KIAA0825: variants seen among roughly 807,000 people sequenced by gnomAD.
KIAA0825 encodes the protein uncharacterized protein KIAA0825.
KIAA0825 carries 119 observed loss-of-function variants against 147.6 expected under a neutral mutation model. The observed-to-expected ratio is 0.81, with a 90% confidence interval of 0.69 to 0.94. KIAA0825 has a LOEUF of 0.94. Ranked by LOEUF, KIAA0825 falls within the 40% of genes least tolerant of loss-of-function variation. The pLI, the probability that KIAA0825 is intolerant of heterozygous loss-of-function variation, is 0.00. For synonymous variants in KIAA0825, 470 were observed against 518.1 expected (o/e 0.91, Z 1.26); for missense variants, 1,381 against 1,472.7 (o/e 0.94, Z 1.02).
intron 20 of KIAA0825, among the ~76,000 whole-genome samples, chr5:94,273,181 TC>T (rs1777070588): frequency 1.3e-5 from 2 of 152,176 alleles, no homozygotes; most frequent in African/African-American, 2.4e-5. Flanking sequence ...AGTACTTATC[TC>T]ATAAATTTGT....
At position 94,565,095 on chromosome 5, in the gene KIAA0825, C is replaced by CTTTTTTTTTT. The variant is rs1176429699; in HGVS notation, c.-2+17328_-2+17337dup. Among the ~76,000 whole-genome samples, 87 of 52,922 alleles carry CTTTTTTTTTT rather than the reference C, an allele frequency of 1.6e-3. 9 individuals carry two copies. The highest frequency in any genetic ancestry group is 4.5e-3 in the African/African-American group (58 of 12,750). 34.7% of individuals were successfully genotyped at this position (52,922 alleles called of 152,430 possible). On this transcript the variant is annotated intron_variant, in intron 2 of 20. Transcript: ENST00000682413. ...CTCTTTCTCTCTCTTTCTTGCTTTC[C>CTTTTTTTTTT]TTTTTTTTTTTTTTTTTTGGTAGAG...
chr5:94,335,371 A>G (rs191630109), intron 20 of KIAA0825, among the ~76,000 whole-genome samples: 1 of 152,266 alleles, frequency 6.6e-6, no homozygotes, highest in East Asian at 1.9e-4. Context: ...TTTTCTTAAT[A>G]TAGATTATGT....
intron 19 of KIAA0825, among the ~76,000 whole-genome samples, chr5:94,385,129 T>C (rs1183919822): frequency 6.6e-6 from 1 of 152,186 alleles, no homozygotes; most frequent in African/African-American, 2.4e-5. Flanking sequence ...ACAGCTATAA[T>C]AATTATTTAT....
chr5:94,554,716 C>CTATATATATATATA (rs70978114), intron 2 of KIAA0825, among the ~76,000 whole-genome samples: 1 of 67,078 alleles, frequency 1.5e-5, no homozygotes, highest in Non-Finnish European at 3.0e-5. Flanking sequence ...GTTCTGTGTA[C>CTATATATATATATA]TATATATATA....
intron 2 of KIAA0825, among the ~76,000 whole-genome samples, chr5:94,559,372 A>C (rs1257043986): frequency 2.0e-5 from 3 of 152,200 alleles, no homozygotes; most frequent in Non-Finnish European, 4.4e-5. Flanking sequence ...TACGTTTTCT[A>C]TGCAAAGACT....
chr5:94,588,518 C>A (rs1345904116), intron 1 of KIAA0825, among the ~76,000 whole-genome samples: 1 of 152,114 alleles, frequency 6.6e-6, no homozygotes, highest in Non-Finnish European at 1.5e-5. Context: ...GAATGGCAAT[C>A]ATTAAAAAGT....
intron 20 of KIAA0825, among the ~76,000 whole-genome samples, chr5:94,367,286 G>GA (rs1247408244): frequency 5.3e-5 from 8 of 152,158 alleles, no homozygotes; most frequent in African/African-American, 1.9e-4. Context: ...CACCCGAGGT[G>GA]AGGAGTTTGA....
At chr5:94,302,275 T>C (rs906122448) in intron 20 of KIAA0825, among the ~76,000 whole-genome samples, 1 of 152,164 alleles carries the variant, frequency 6.6e-6, no homozygotes. Flanking sequence ...GCCTAACATA[T>C]GTTCTATTCA....
chr5:94,402,636 T>C (rs187412762), intron 16 of KIAA0825, among the ~76,000 whole-genome samples: 36 of 151,930 alleles, frequency 2.4e-4, no homozygotes, highest in African/African-American at 8.4e-4. Context: ...CAATTGACTT[T>C]AGTGAGTGCG....
chr5:94,344,233 A>G (rs1782739036), intron 20 of KIAA0825, among the ~76,000 whole-genome samples: 1 of 152,240 alleles, frequency 6.6e-6, no homozygotes, highest in South Asian at 2.1e-4. Context: ...TAATAAATTG[A>G]TGTTGTCATA....
intron 20 of KIAA0825, among the ~76,000 whole-genome samples, chr5:94,282,847 G>GA (rs997872275): frequency 3.3e-5 from 5 of 151,606 alleles, no homozygotes; most frequent in South Asian, 4.2e-4. Flanking sequence ...TGTTTAAAGG[G>GA]AAAAAATCAT....
chr5:94,614,973 C>T (rs1284336016), intron 1 of KIAA0825, among the ~76,000 whole-genome samples: 1 of 151,854 alleles, frequency 6.6e-6, no homozygotes, highest in Non-Finnish European at 1.5e-5. Context: ...TAAGTCAACC[C>T]ACTTAACGCT....
intron 20 of KIAA0825, among the ~76,000 whole-genome samples, chr5:94,320,926 A>G (rs911402653): frequency 5.3e-5 from 8 of 152,094 alleles, no homozygotes; most frequent in South Asian, 2.1e-4. Context: ...AAGACTTTTA[A>G]AAGTAAGTAC....
In KIAA0825 at chr5:94,566,217, T is replaced by C. The variant is rs577476817; in HGVS notation, c.-2+16216A>G. Among the ~76,000 whole-genome samples the C allele has an allele frequency of 3.0e-4, 45 of 152,278 alleles. 1 individual carries two copies. In the South Asian group the frequency reaches 7.0e-3, roughly 24 times the overall value. ...TATGTTCATTTTAGAATAATGACTT[T>C]GAAATACAAGAAATATATCTAGGAA... On this transcript the variant is annotated intron_variant, in intron 2 of 20. Transcript: ENST00000682413.
chr5:94,353,929 C>A (rs1050514351), intron 20 of KIAA0825, among the ~76,000 whole-genome samples: 2 of 152,078 alleles, frequency 1.3e-5, no homozygotes, highest in African/African-American at 4.8e-5. Context: ...ACTTTGTAAT[C>A]TATTACATAG....
intron 20 of KIAA0825, among the ~76,000 whole-genome samples, chr5:94,214,205 G>T (rs1193972528): frequency 6.6e-6 from 1 of 152,042 alleles, no homozygotes; most frequent in Non-Finnish European, 1.5e-5. Flanking sequence ...ATGAGTAAAT[G>T]AGTAGACAGA....
At chr5:94,458,531 C>A (rs992537960) in intron 12 of KIAA0825, among the ~76,000 whole-genome samples, 3 of 152,102 alleles carry the variant, frequency 2.0e-5, no homozygotes, top group African/African-American at 7.2e-5. Context: ...CTGGGAGCAG[C>A]CCTCTTTAAA....
At chr5:94,439,961 C>T in intron 14 of KIAA0825, 21 bp downstream of exon 14, 1 of 1,538,162 alleles carries the variant, frequency 6.5e-7, no homozygotes, top group East Asian at 2.5e-5. Context: ...CGAGGACATT[C>T]TTATAACTAC....
chr5:94,512,158 C>G lies in KIAA0825; in HGVS notation c.970+8090G>C, dbSNP rs554797576. 6.6e-5 allele frequency among the ~76,000 whole-genome samples: 10 copies of G among 152,048 alleles called. No homozygotes were observed. In the South Asian group the frequency reaches 1.9e-3, roughly 28 times the overall value. ...AAGAAAGAATGTTGTGGTATAGGAA[C>G]AGACATTAAAATTCTCAGTCTTCAG... On this transcript the variant is annotated intron_variant, in intron 5 of 20. Coordinates refer to ENST00000682413, the MANE Select transcript of KIAA0825 (RefSeq NM_001145678.3).
Sources: gnomAD v4.1 joint callset for allele counts (sites outside exome capture counted in the v4.1 genomes callset) on GRCh38, gnomAD v4.1.1 for gene constraint, MANE v1.5 for transcripts, NCBI Gene and HGNC (gene_info 2026-07-23, HGNC 2026-07-21) for gene names.